TBX15: variants seen among roughly 807,000 people sequenced by gnomAD.
The protein encoded by TBX15 is T-box transcription factor 15, also known as T-box transcription factor TBX15.
A neutral mutation model predicts 53.9 loss-of-function variants in TBX15; 18 were observed. That is an observed-to-expected ratio of 0.33 (90% CI 0.23 to 0.49). The LOEUF (loss-of-function observed/expected upper bound fraction) is 0.49. Ranked by LOEUF, TBX15 falls within the 20% of genes least tolerant of loss-of-function variation. TBX15 has a pLI of 0.98. For synonymous variants in TBX15, 295 were observed against 278.0 expected (o/e 1.06, Z -0.61); for missense variants, 692 against 749.5 (o/e 0.92, Z 0.90).
rs17022673 is a variant in TBX15 at position 118,884,636 on chromosome 1, G to A, written c.*96C>T. The A allele has an allele frequency of 1.7e-3, 1,876 of 1,124,062 alleles. 35 individuals are homozygous for A. The African/African-American group carries it at 0.027, about 16-fold the overall frequency. The allele number at this position is 1,124,062 out of a possible 1,614,324, so 69.6% of individuals were successfully genotyped here. A position where few individuals can be genotyped will look rare whatever the true frequency, so the allele number is the denominator to read the frequency against. On this transcript the variant is annotated 3_prime_UTR_variant, in exon 8 of 8. Coordinates refer to ENST00000369429, the MANE Select transcript of TBX15 (RefSeq NM_001330677.2). ...AAAAAAAAAAAAAAACACGGTTCCT[G>A]TTTTTCAAAGACACTGGACTCCCAA...
chr1:118,927,709 A>C (rs1400322824), intron 2 of TBX15, among the ~76,000 whole-genome samples: 1 of 152,236 alleles, frequency 6.6e-6, no homozygotes, highest in African/African-American at 2.4e-5. Context: ...GACTTCTCTC[A>C]TAATTGAAGA....
At chr1:118,912,275 A>G (rs1306441025) in intron 6 of TBX15, among the ~76,000 whole-genome samples, 6 of 152,124 alleles carry the variant, frequency 3.9e-5, no homozygotes, top group African/African-American at 1.4e-4. Flanking sequence ...AACCCTTGAG[A>G]GAGAGAGAGA....
chr1:118,898,874 C>G (rs888201528), intron 7 of TBX15, among the ~76,000 whole-genome samples, 154 bp downstream of exon 7: 20 of 152,118 alleles, frequency 1.3e-4, no homozygotes, highest in Non-Finnish European at 2.9e-4. Flanking sequence ...AGTGGTGATG[C>G]TTTGGTTATT....
intron 6 of TBX15, among the ~76,000 whole-genome samples, chr1:118,907,686 G>GT (rs1654884492): frequency 1.3e-5 from 2 of 152,194 alleles, no homozygotes; most frequent in African/African-American, 4.8e-5. Context: ...ATTAGACCCA[G>GT]TGCAAAGACT....
At chr1:118,958,130 AT>A (rs1329618739) in intron 1 of TBX15, among the ~76,000 whole-genome samples, 2 of 152,218 alleles carry the variant, frequency 1.3e-5, no homozygotes, top group African/African-American at 4.8e-5. Flanking sequence ...CTAACCTCCA[AT>A]GTGGCAGTTT....
chr1:118,932,861 T>C (rs1242664037), intron 1 of TBX15, among the ~76,000 whole-genome samples: 1 of 152,160 alleles, frequency 6.6e-6, no homozygotes, highest in Non-Finnish European at 1.5e-5. Flanking sequence ...TTTTCTTAGG[T>C]CAAATGATGC....
chr1:118,884,269 GTTC>G lies in TBX15; in HGVS notation c.*460_*462del. On this transcript the variant is annotated 3_prime_UTR_variant, in exon 8 of 8. Coordinates refer to ENST00000369429, the MANE Select transcript of TBX15 (RefSeq NM_001330677.2). Reference sequence around the variant, plus strand: ...CCCATTCTGGGCCTCCCTCCACAGAGTTCACCCAGTTCAGAGTCAGTGTGCATG... The same window carrying G: ...CCCATTCTGGGCCTCCCTCCACAGAGACCCAGTTCAGAGTCAGTGTGCATG... The G allele has an allele frequency of 1.1e-5, 2 of 178,860 alleles. No homozygotes were observed. The allele number at this position is 178,860 out of a possible 1,614,324, so 11.1% of individuals were successfully genotyped here. A position where few individuals can be genotyped will look rare whatever the true frequency, so the allele number is the denominator to read the frequency against.
chr1:118,981,368 C>T (rs963998552), intron 1 of TBX15, among the ~76,000 whole-genome samples: 11 of 151,608 alleles, frequency 7.3e-5, no homozygotes, highest in Non-Finnish European at 1.3e-4. Context: ...CAAATTTTGT[C>T]TACATCCAAT....
chr1:118,947,715 C>A (rs147290507), intron 1 of TBX15, among the ~76,000 whole-genome samples: 169 of 152,282 alleles, frequency 1.1e-3, no homozygotes, highest in African/African-American at 4.0e-3. Context: ...AAATACCATG[C>A]TTAATCCATA....
chr1:118,975,435 CA>C (rs1284638006), intron 1 of TBX15, among the ~76,000 whole-genome samples: 1 of 152,200 alleles, frequency 6.6e-6, no homozygotes, highest in African/African-American at 2.4e-5. Context: ...ACGTGAGCAG[CA>C]AACATAAATT....
At chr1:118,930,551 G>A (rs911390301) in intron 2 of TBX15, among the ~76,000 whole-genome samples, 1 of 152,120 alleles carries the variant, frequency 6.6e-6, no homozygotes, top group Non-Finnish European at 1.5e-5. Flanking sequence ...AAGTGGCAGG[G>A]ATTACAGGCA....
chr1:118,961,467 C>G (rs984223), intron 1 of TBX15, among the ~76,000 whole-genome samples: 4 of 151,946 alleles, frequency 2.6e-5, no homozygotes, highest in African/African-American at 9.7e-5. Context: ...GAGCATTACT[C>G]AAAGTGCATG....
At chr1:118,952,818 A>T (rs1322837272) in intron 1 of TBX15, among the ~76,000 whole-genome samples, 2 of 152,182 alleles carry the variant, frequency 1.3e-5, no homozygotes, top group Non-Finnish European at 2.9e-5. Context: ...AAGAGACAGA[A>T]ATCAAGTATT....
At chr1:118,942,021 G>A (rs1361906) in intron 1 of TBX15, among the ~76,000 whole-genome samples, 82,141 of 152,128 alleles carry the variant, frequency 0.54, 22,388 homozygotes, top group East Asian at 0.59. Context: ...AACAAAAAAG[G>A]TCCAGACATA....
chr1:118,941,537 G>A (rs1036560744), intron 1 of TBX15, among the ~76,000 whole-genome samples: 1 of 152,042 alleles, frequency 6.6e-6, no homozygotes, highest in Non-Finnish European at 1.5e-5. Flanking sequence ...AAACCATCCC[G>A]TTTAGTAAAT....
chr1:118,914,011 G>A lies in TBX15; in HGVS notation c.926+104C>T, dbSNP rs1197173379. 9 of 1,107,484 alleles carry A rather than the reference G, an allele frequency of 8.1e-6. No homozygotes were observed. In the East Asian group the frequency reaches 2.1e-4, roughly 26 times the overall value. 68.6% of individuals were successfully genotyped at this position (1,107,484 alleles called of 1,614,324 possible). On this transcript the variant is annotated intron_variant, in intron 6 of 7. Transcript: ENST00000369429. ...TTGCCGAAGTGTACACAGTGGCGGAGCATACAGGTGTTTTCTAAAAGGCAG... is the reference window on the plus strand; with the variant it reads ...TTGCCGAAGTGTACACAGTGGCGGAACATACAGGTGTTTTCTAAAAGGCAG...
chr1:118,960,697 A>C (rs1189998076), intron 1 of TBX15, among the ~76,000 whole-genome samples: 2 of 152,328 alleles, frequency 1.3e-5, no homozygotes, highest in Non-Finnish European at 2.9e-5. Flanking sequence ...GAGCCGGCAG[A>C]GTCTCCCTCA....
chr1:118,887,304 G>C (rs1348970633), intron 7 of TBX15, among the ~76,000 whole-genome samples: 1 of 152,168 alleles, frequency 6.6e-6, no homozygotes, highest in East Asian at 1.9e-4. Context: ...TAGAAGCTGA[G>C]CATTATAAAA....
intron 6 of TBX15, among the ~76,000 whole-genome samples, chr1:118,908,160 CT>C (rs1285483687): frequency 6.6e-6 from 1 of 152,146 alleles, no homozygotes; most frequent in Non-Finnish European, 1.5e-5. Context: ...TGGGATAGGG[CT>C]TTCTTTCTCT....
Sources: gnomAD v4.1 joint callset for allele counts (sites outside exome capture counted in the v4.1 genomes callset) on GRCh38, gnomAD v4.1.1 for gene constraint, MANE v1.5 for transcripts, NCBI Gene and HGNC (gene_info 2026-07-23, HGNC 2026-07-21) for gene names.